Variants in ZFHX3 observed in about 807,000 individuals in gnomAD.
The protein encoded by ZFHX3 is zinc finger homeobox protein 3.
In ZFHX3, 42 loss-of-function variants were observed where a neutral mutation model predicts 279.1. The observed-to-expected ratio is 0.15, with a 90% CI of 0.12 to 0.19. ZFHX3 has a LOEUF of 0.19. Among genes scored for constraint, ZFHX3 ranks in the 10% least tolerant of loss-of-function variants. ZFHX3 has a pLI of 1.00. For missense variants in ZFHX3, 4,981 were observed against 4,754.0 expected (o/e 1.05, Z -1.40); for synonymous variants, 2,293 against 1,957.8 (o/e 1.17, Z -4.52).
chr16:73,688,022 A>G (rs1215395336), intron 1 of ZFHX3, among the ~76,000 whole-genome samples: 6 of 152,220 alleles, frequency 3.9e-5, no homozygotes, highest in Non-Finnish European at 7.4e-5. Flanking sequence ...GACATGGGAC[A>G]TTATGGCTGC....
chr16:73,818,486 A>G (rs1464921868), intron 1 of ZFHX3, among the ~76,000 whole-genome samples: 1 of 152,186 alleles, frequency 6.6e-6, no homozygotes, highest in South Asian at 2.1e-4. Flanking sequence ...ATTATACATG[A>G]TATCAACCAA....
intron 1 of ZFHX3, among the ~76,000 whole-genome samples, chr16:73,684,290 T>C (rs554106956): frequency 3.9e-4 from 59 of 152,272 alleles, no homozygotes; most frequent in African/African-American, 1.4e-3. Context: ...GGTCCATTAT[T>C]AATATGATTA....
chr16:73,077,540 C>CA (rs1251202431), intron 8 of ZFHX3, among the ~76,000 whole-genome samples: 1 of 149,698 alleles, frequency 6.7e-6, no homozygotes, highest in Non-Finnish European at 1.5e-5. Flanking sequence ...CTTTATCCTG[C>CA]AAAAAATCTG....
intron 2 of ZFHX3, among the ~76,000 whole-genome samples, chr16:73,626,209 AT>A (rs1390393707): frequency 1.3e-5 from 2 of 152,158 alleles, no homozygotes; most frequent in African/African-American, 2.4e-5. Context: ...AATTTCACAC[AT>A]TTTATGACAA....
At chr16:73,436,847 C>T (rs1022162742) in intron 3 of ZFHX3, among the ~76,000 whole-genome samples, 2 of 152,128 alleles carry the variant, frequency 1.3e-5, no homozygotes, top group African/African-American at 4.8e-5. Flanking sequence ...AAAGTGATCC[C>T]GTCTTCTCCC....
intron 3 of ZFHX3, among the ~76,000 whole-genome samples, chr16:72,901,402 T>C (rs2039031825): frequency 6.6e-6 from 1 of 152,182 alleles, no homozygotes; most frequent in Non-Finnish European, 1.5e-5. Flanking sequence ...TGCTGACAAA[T>C]ACATTCATCA....
chr16:73,090,880 C>T (rs745953956), intron 8 of ZFHX3, among the ~76,000 whole-genome samples: 3 of 142,698 alleles, frequency 2.1e-5, no homozygotes, highest in Non-Finnish European at 4.4e-5. Context: ...CACTGTACTC[C>T]AGCCTGGGAG....
intron 4 of ZFHX3, among the ~76,000 whole-genome samples, chr16:72,888,832 G>A (rs1478908889): frequency 2.0e-5 from 3 of 152,214 alleles, no homozygotes; most frequent in Non-Finnish European, 4.4e-5. Flanking sequence ...ATGGAATAGA[G>A]GTGAGCAGTT....
intron 3 of ZFHX3, among the ~76,000 whole-genome samples, chr16:73,357,279 A>G (rs1227052823): frequency 6.6e-6 from 1 of 152,078 alleles, no homozygotes; most frequent in South Asian, 2.1e-4. Context: ...CATAAAATGC[A>G]TCAGCAGGTT....
intron 5 of ZFHX3, chr16:72,821,828 A>C (rs1190658910): frequency 6.6e-6 from 1 of 152,232 alleles, no homozygotes; most frequent in Non-Finnish European, 1.5e-5. Context: ...TGAAAGCGCA[A>C]ACATTTGTTG....
At chr16:73,081,630 G>C (rs1022857225) in intron 8 of ZFHX3, 1 of 152,026 alleles carries the variant, frequency 6.6e-6, no homozygotes, top group Non-Finnish European at 1.5e-5. Context: ...CTATTTCCCT[G>C]TTCCACTGGT....
intron 2 of ZFHX3, among the ~76,000 whole-genome samples, chr16:73,532,634 C>G (rs1322964728): frequency 6.6e-6 from 1 of 152,166 alleles, no homozygotes; most frequent in Admixed American, 6.5e-5. Flanking sequence ...GGAGTGTAGC[C>G]TTAGTCAACT....
At chr16:73,550,159 C>A (rs923451573) in intron 2 of ZFHX3, among the ~76,000 whole-genome samples, 1 of 152,070 alleles carries the variant, frequency 6.6e-6, no homozygotes, top group Non-Finnish European at 1.5e-5. Flanking sequence ...AGGAGTACTT[C>A]GGGGCTGGGC....
intron 3 of ZFHX3, among the ~76,000 whole-genome samples, chr16:72,933,518 C>A (rs1161330958): frequency 1.3e-5 from 2 of 152,134 alleles, no homozygotes; most frequent in African/African-American, 4.8e-5. Context: ...GTATCCACCA[C>A]CCAGCTGCTG....
chr16:73,220,265 T>C (rs2012366475), intron 5 of ZFHX3, among the ~76,000 whole-genome samples: 2 of 152,112 alleles, frequency 1.3e-5, no homozygotes, highest in Admixed American at 1.3e-4. Flanking sequence ...ACCTGGGTGA[T>C]GGGATCCATT....
At position 72,797,895 on chromosome 16, in the gene ZFHX3, A is replaced by T; in HGVS notation, c.4787T>A (p.Phe1596Tyr). 1.2e-6 allele frequency: 2 copies of T among 1,614,150 alleles called. No homozygotes were observed. The highest frequency in any genetic ancestry group is 1.7e-6 in the Non-Finnish European group (2 of 1,180,028). ...EPTSSPDNKP[F>Y]KCNTCNVAYS... ...GGCCACATTACAAGTGTTACACTTAAAAGGTTTGTTGTCTGGGCTGCTGGT... is the reference window on the plus strand; with the variant it reads ...GGCCACATTACAAGTGTTACACTTATAAGGTTTGTTGTCTGGGCTGCTGGT... Residue 1596 changes from phenylalanine (F) to tyrosine (Y), a missense_variant, in exon 9 of 10, where the codon TTT becomes TAT. Phe to Tyr is a conservative substitution (Grantham distance 22). This residue lies in a region of ZFHX3 where 1,751 missense variants were observed against 1,770.0 expected (regional missense o/e 0.99). Coordinates refer to ENST00000268489, the MANE Select transcript of ZFHX3 (RefSeq NM_006885.4).
Position 72,854,678 on chromosome 16 carries a change from C to T in ZFHX3, c.3449-24819G>A, listed in dbSNP as rs190644832. On this transcript the variant is annotated intron_variant, in intron 4 of 9. Coordinates refer to ENST00000268489, the MANE Select transcript of ZFHX3 (RefSeq NM_006885.4). Reference sequence around the variant, plus strand: ...GTATTTTATAGCAAGATTGGATAGGCCAATTTCAAAGACTAATATGAAAAA... The same window carrying T: ...GTATTTTATAGCAAGATTGGATAGGTCAATTTCAAAGACTAATATGAAAAA... Among the ~76,000 whole-genome samples, 5 of 152,062 alleles carry T rather than the reference C, an allele frequency of 3.3e-5. No homozygotes were observed. The East Asian group carries it at 9.7e-4, about 29-fold the overall frequency.
At chr16:73,442,811 T>C (rs1206693632) in intron 3 of ZFHX3, among the ~76,000 whole-genome samples, 1 of 152,162 alleles carries the variant, frequency 6.6e-6, no homozygotes, top group Non-Finnish European at 1.5e-5. Context: ...GCTTTGGCAA[T>C]GGGTGTTTGG....
chr16:72,987,338 T>C (rs916354398), intron 1 of ZFHX3, among the ~76,000 whole-genome samples: 1 of 152,150 alleles, frequency 6.6e-6, no homozygotes, highest in African/African-American at 2.4e-5. Context: ...GGACACCACT[T>C]TGAGAGCTGA....
Sources: allele counts gnomAD v4.1 joint callset (sites outside exome capture counted in the v4.1 genomes callset), GRCh38; gene constraint gnomAD v4.1.1; regional missense constraint gnomAD v4.1.1; transcripts MANE v1.5; gene names NCBI Gene and HGNC (gene_info 2026-07-23, HGNC 2026-07-21).